Variants in NBAS observed in about 807,000 individuals in gnomAD.
The protein encoded by NBAS is NAG/BC035112 fusion.
A neutral mutation model predicts 302.5 loss-of-function variants in NBAS; 219 were observed. The ratio of observed to expected loss-of-function variants is 0.72; its 90% CI spans 0.65 to 0.81. The LOEUF (loss-of-function observed/expected upper bound fraction) is 0.81. Ranked by LOEUF, NBAS falls within the 30% of genes least tolerant of loss-of-function variation. The pLI is 0.00. For missense variants in NBAS, 2,932 were observed against 2,841.6 expected, an observed-to-expected ratio of 1.03 and a Z score of -0.72; for synonymous variants, 1,118 against 1,021.6, an observed-to-expected ratio of 1.09 and a Z score of -1.80.
At chr2:14,814,702 T>C in the NBAS span, among the ~76,000 whole-genome samples, 8 of 152,188 alleles carry the variant, frequency 5.3e-5, no homozygotes, top group Admixed American at 6.5e-5. Context: ...GAGTTAATGT[T>C]CGAATGAGTT....
the NBAS span, among the ~76,000 whole-genome samples, chr2:15,099,148 C>G: frequency 1.3e-5 from 2 of 151,980 alleles, no homozygotes; most frequent in Non-Finnish European, 2.9e-5. Context: ...ACTAAAAATA[C>G]AAAAATTAGC....
chr2:14,906,976 G>C, the NBAS span, among the ~76,000 whole-genome samples: 5 of 152,086 alleles, frequency 3.3e-5, no homozygotes, highest in Non-Finnish European at 1.5e-5. Context: ...AATCCCTCAA[G>C]CAGAGGCTAT....
At chr2:15,249,598 TAAAC>T (rs1227632030) in intron 44 of NBAS, among the ~76,000 whole-genome samples, 1 of 152,172 alleles carries the variant, frequency 6.6e-6, no homozygotes, top group African/African-American at 2.4e-5. Flanking sequence ...CTTAAGCTGA[TAAAC>T]AACTTCAGCA....
chr2:15,062,241 T>A, the NBAS span, among the ~76,000 whole-genome samples: 2 of 152,222 alleles, frequency 1.3e-5, 1 homozygote, highest in South Asian at 4.1e-4. Flanking sequence ...GCCACAACTT[T>A]GGATCAGAAA....
At chr2:15,121,520 C>A in the NBAS span, among the ~76,000 whole-genome samples, 1 of 152,006 alleles carries the variant, frequency 6.6e-6, no homozygotes, top group African/African-American at 2.4e-5. Flanking sequence ...ACCAAGGGCC[C>A]GAGGATGGAA....
chr2:15,268,605 C>A (rs939264939), intron 44 of NBAS, among the ~76,000 whole-genome samples: 16 of 152,144 alleles, frequency 1.1e-4, no homozygotes, highest in Non-Finnish European at 1.5e-5. Context: ...GGGGCCACCT[C>A]GCTGGAGCCC....
chr2:15,353,426 C>A, intron 34 of NBAS, 127 bp downstream of exon 34: 2 of 1,162,762 alleles, frequency 1.7e-6, no homozygotes, highest in South Asian at 1.3e-5. Context: ...CCATAAGTGA[C>A]AATCTAGTTT....
chr2:15,542,107 A>G (rs1277433769), intron 6 of NBAS, among the ~76,000 whole-genome samples: 1 of 83,576 alleles, frequency 1.2e-5, no homozygotes, highest in African/African-American at 4.3e-5. Context: ...CTGCCTGGCC[A>G]CCACCCCGTC....
At chr2:15,379,464 C>T (rs1674920417) in intron 30 of NBAS, 138 bp downstream of exon 30, 1 of 854,506 alleles carries the variant, frequency 1.2e-6, no homozygotes, top group Non-Finnish European at 1.9e-6. Context: ...TATATTCAAG[C>T]AAAAAATAAC....
the NBAS span, among the ~76,000 whole-genome samples, chr2:15,013,140 G>A: frequency 2.3e-4 from 35 of 152,116 alleles, no homozygotes; most frequent in African/African-American, 8.0e-4. Flanking sequence ...ATTATAGGCA[G>A]AGCCACCACG....
chr2:14,840,734 C>A, the NBAS span, among the ~76,000 whole-genome samples: 1 of 151,926 alleles, frequency 6.6e-6, no homozygotes, highest in South Asian at 2.1e-4. Flanking sequence ...CAAACAAAAG[C>A]TGAGATAATT....
intron 8 of NBAS, among the ~76,000 whole-genome samples, chr2:15,535,814 G>A (rs927572790): frequency 2.0e-5 from 3 of 152,118 alleles, no homozygotes; most frequent in Admixed American, 6.5e-5. Flanking sequence ...CAGATACAGA[G>A]GGATGACTGT....
chr2:15,505,054 T>TC (rs1268234153), intron 10 of NBAS, among the ~76,000 whole-genome samples: 5 of 152,180 alleles, frequency 3.3e-5, no homozygotes, highest in Non-Finnish European at 7.4e-5. Flanking sequence ...AACCATACTC[T>TC]CCACTTAGCC....
chr2:15,458,205 C>T (rs1384132561), intron 21 of NBAS, among the ~76,000 whole-genome samples: 1 of 152,092 alleles, frequency 6.6e-6, no homozygotes, highest in Non-Finnish European at 1.5e-5. Flanking sequence ...AAAAGTGTTA[C>T]ATTATGAAAA....
chr2:15,462,110 G>A (rs1679532067), intron 19 of NBAS, among the ~76,000 whole-genome samples: 1 of 152,184 alleles, frequency 6.6e-6, no homozygotes, highest in Non-Finnish European at 1.5e-5. Context: ...AATGTATTAT[G>A]AGCACCTGAA....
chr2:15,161,149 A>G, the NBAS span, among the ~76,000 whole-genome samples: 1 of 152,168 alleles, frequency 6.6e-6, no homozygotes, highest in African/African-American at 2.4e-5. Flanking sequence ...TCTCACTCTT[A>G]GGGACAACTT....
At chr2:14,784,275 C>G in the NBAS span, among the ~76,000 whole-genome samples, 1 of 152,138 alleles carries the variant, frequency 6.6e-6, no homozygotes, top group Non-Finnish European at 1.5e-5. Context: ...GTTGCCTGTT[C>G]ACTCTGATGG....
intron 41 of NBAS, among the ~76,000 whole-genome samples, chr2:15,289,773 G>A (rs935997651): frequency 6.6e-6 from 1 of 152,102 alleles, no homozygotes; most frequent in Non-Finnish European, 1.5e-5. Flanking sequence ...CAAGGCAGGC[G>A]GATCACGAGG....
At chr2:15,272,286 T>C (rs1371989228) in intron 44 of NBAS, among the ~76,000 whole-genome samples, 1 of 152,184 alleles carries the variant, frequency 6.6e-6, no homozygotes, top group African/African-American at 2.4e-5. Flanking sequence ...AAATTAAATG[T>C]GGGTACACAT....
Sources: allele counts gnomAD v4.1 joint callset (sites outside exome capture counted in the v4.1 genomes callset), GRCh38; gene constraint gnomAD v4.1.1; transcripts MANE v1.5; gene names NCBI Gene and HGNC (gene_info 2026-07-23, HGNC 2026-07-21).